PLEKHG1: variants seen among roughly 807,000 people sequenced by gnomAD.
PLEKHG1 encodes pleckstrin homology domain-containing family G member 1.
In PLEKHG1, 44 loss-of-function variants were observed where a neutral mutation model predicts 100.8. That is an observed-to-expected ratio of 0.44 (90% confidence interval 0.34 to 0.56). The LOEUF (loss-of-function observed/expected upper bound fraction) is 0.56. PLEKHG1 is among the 20% of genes least tolerant of loss of function. The pLI is 0.01. For synonymous variants in PLEKHG1, 640 were observed against 662.5 expected, an observed-to-expected ratio of 0.97 and a Z score of 0.52; for missense variants, 1,545 against 1,720.9, an observed-to-expected ratio of 0.90 and a Z score of 1.81.
chr6:150,779,035 G>T (rs1785145191), intron 3 of PLEKHG1, among the ~76,000 whole-genome samples: 1 of 152,158 alleles, frequency 6.6e-6, no homozygotes, highest in African/African-American at 2.4e-5. Context: ...GGATTCAGAA[G>T]GCCTGAATCT....
chr6:150,628,581 G>A (rs1009335291), intron 1 of PLEKHG1, among the ~76,000 whole-genome samples: 12 of 30,210 alleles, frequency 4.0e-4, no homozygotes, highest in African/African-American at 1.0e-3. Context: ...CACACACCCC[G>A]TCCTTGCCCT....
At chr6:150,805,869 C>T (rs1787056558) in intron 7 of PLEKHG1, among the ~76,000 whole-genome samples, 1 of 152,098 alleles carries the variant, frequency 6.6e-6, no homozygotes, top group Non-Finnish European at 1.5e-5. Flanking sequence ...TTGCTAAAGG[C>T]CTATCCAGCA....
At chr6:150,839,496 C>T (rs114708754) in intron 15 of PLEKHG1, among the ~76,000 whole-genome samples, 8 of 152,290 alleles carry the variant, frequency 5.3e-5, no homozygotes, top group African/African-American at 1.9e-4. Context: ...TTTTATGATG[C>T]ATGTTTTCAG....
intron 3 of PLEKHG1, among the ~76,000 whole-genome samples, chr6:150,673,444 T>G (rs1053207702): frequency 5.9e-5 from 9 of 152,206 alleles, no homozygotes; most frequent in African/African-American, 2.2e-4. Context: ...TTGGCCTGTC[T>G]ATAGGCAATG....
intron 3 of PLEKHG1, among the ~76,000 whole-genome samples, chr6:150,692,067 A>G (rs1294789183): frequency 1.3e-5 from 2 of 152,180 alleles, no homozygotes; most frequent in African/African-American, 4.8e-5. Context: ...GTCAATCCCA[A>G]CTGAAGTCAC....
rs182508362 is a variant in PLEKHG1 at position 150,807,283 on chromosome 6, C to A, written c.913-1822C>A. 8.0e-4 allele frequency among the ~76,000 whole-genome samples: 122 copies of A among 152,288 alleles called. 1 individual carries two copies. The highest frequency in any genetic ancestry group is 1.3e-3 in the Non-Finnish European group (87 of 68,026). On this transcript the variant is annotated intron_variant, in intron 7 of 15. Transcript: ENST00000358517. ...CCAGTTCCGGTAATCCACTGGGGGT[C>A]TTGGAACATATCCCCTGCAGATAAG...
At chr6:150,641,360 A>G (rs1040319499) in intron 2 of PLEKHG1, among the ~76,000 whole-genome samples, 3 of 152,226 alleles carry the variant, frequency 2.0e-5, no homozygotes, top group Non-Finnish European at 4.4e-5. Context: ...TTCAGACTCT[A>G]TGAAAGATTT....
chr6:150,634,111 G>T (rs1777884271), intron 1 of PLEKHG1, among the ~76,000 whole-genome samples: 1 of 151,978 alleles, frequency 6.6e-6, no homozygotes, highest in Non-Finnish European at 1.5e-5. Flanking sequence ...GGGCGTGGTG[G>T]CAGGTGCCTG....
intron 3 of PLEKHG1, among the ~76,000 whole-genome samples, chr6:150,695,692 G>A (rs1004115015): frequency 6.6e-6 from 1 of 152,120 alleles, no homozygotes; most frequent in Non-Finnish European, 1.5e-5. Context: ...TAACAAATAT[G>A]CACACCAAAA....
chr6:150,816,071 C>A (rs536186425), intron 10 of PLEKHG1, among the ~76,000 whole-genome samples: 1 of 152,104 alleles, frequency 6.6e-6, no homozygotes, highest in Admixed American at 6.6e-5. Context: ...TCAGTGGGAG[C>A]CCTGAGCTTG....
rs114737954 is a variant in PLEKHG1, at chr6:150,619,890, C to T, written c.-203-18190C>T. Among the ~76,000 whole-genome samples, 1,108 of 152,256 alleles carry T rather than the reference C, an allele frequency of 7.3e-3. 18 individuals carry two copies. Among genetic ancestry groups the T allele is most frequent in the African/African-American group, 0.025 (1,045 of 41,554 alleles). The stretch of plus-strand genomic sequence containing the variant: ...TGGCTGAGATGACAGGTCTTTTAGA[C>T]AACAGCCCATTTACTGCTTGACTGC... On this transcript the variant is annotated intron_variant, in intron 1 of 3. Coordinates refer to the PLEKHG1 transcript ENST00000367326.
At chr6:150,832,969 G>A (rs1159585858) in intron 15 of PLEKHG1, among the ~76,000 whole-genome samples, 3 of 150,440 alleles carry the variant, frequency 2.0e-5, no homozygotes, top group East Asian at 4.0e-4. Context: ...GAGCCACCAC[G>A]CCAGCCATTG....
At chr6:150,751,340 C>T (rs1783500101) in intron 2 of PLEKHG1, among the ~76,000 whole-genome samples, 1 of 151,628 alleles carries the variant, frequency 6.6e-6, no homozygotes, top group Admixed American at 6.6e-5. Flanking sequence ...GGACAGAGCA[C>T]ACAGGTCTGG....
chr6:150,730,415 A>G (rs1782185846), intron 1 of PLEKHG1, among the ~76,000 whole-genome samples: 1 of 152,086 alleles, frequency 6.6e-6, no homozygotes, highest in Non-Finnish European at 1.5e-5. Context: ...GATTCTCATA[A>G]GGATCGTGCA....
At chr6:150,828,222 C>T in intron 14 of PLEKHG1, 1 of 1,613,848 alleles carries the variant, frequency 6.2e-7, no homozygotes, top group Non-Finnish European at 8.5e-7. Flanking sequence ...TGTTTGGCGG[C>T]ATGAACCTGA....
chr6:150,776,162 C>G (rs1447312025), intron 3 of PLEKHG1, among the ~76,000 whole-genome samples: 1 of 152,172 alleles, frequency 6.6e-6, no homozygotes, highest in Non-Finnish European at 1.5e-5. Context: ...CCTCTCATTT[C>G]CCACCCAACT....
At position 150,671,088 on chromosome 6, in the gene PLEKHG1, C is replaced by CATATATATAT. The variant is rs10566696; in HGVS notation, c.-99+20316_-99+20325dup. Among the ~76,000 whole-genome samples, 162 of 147,514 alleles carry CATATATATAT rather than the reference C, an allele frequency of 1.1e-3. 1 individual carries two copies. In the East Asian group the frequency reaches 0.011, roughly 10 times the overall value. Reference sequence around the variant, plus strand: ...TTTTTATGGTTACATAGTATTCCATCATATATATATATATATATATATACA... The same window carrying CATATATATAT: ...TTTTTATGGTTACATAGTATTCCATCATATATATATATATATATATATATATATATATACA... On this transcript the variant is annotated intron_variant, in intron 3 of 3. Transcript: ENST00000367326.
chr6:150,763,024 C>CTTTTTTTTTTTGTTTTTTTT (rs1784253731), intron 2 of PLEKHG1, among the ~76,000 whole-genome samples: 1 of 76,530 alleles, frequency 1.3e-5, no homozygotes, highest in Non-Finnish European at 2.1e-5. Context: ...GATAAAGCTT[C>CTTTTTTTTTTTGTTTTTTTT]TTTTTTTTTT....
rs557036756 is a variant in PLEKHG1 at position 150,692,541 on chromosome 6, CA to C, written c.-98-41036del. Among the ~76,000 whole-genome samples the C allele has an allele frequency of 3.9e-4, 60 of 151,908 alleles. 1 individual carries two copies. In the East Asian group the frequency reaches 9.5e-3, roughly 24 times the overall value. Reference sequence around the variant, plus strand: ...TTTTCCTAAGGCTTGTCCTTGACCTCAAAAAAAGCATATGTGATCTAGAGAA... The same window carrying C: ...TTTTCCTAAGGCTTGTCCTTGACCTCAAAAAAGCATATGTGATCTAGAGAA... On this transcript the variant is annotated intron_variant, in intron 3 of 3. Coordinates refer to the PLEKHG1 transcript ENST00000367326.
Sources: gnomAD v4.1 joint callset for allele counts (sites outside exome capture counted in the v4.1 genomes callset) on GRCh38, gnomAD v4.1.1 for gene constraint, MANE v1.5 for transcripts, NCBI Gene and HGNC (gene_info 2026-07-23, HGNC 2026-07-21) for gene names.